Variants in TENM2 observed in about 807,000 individuals in gnomAD.
TENM2 encodes teneurin transmembrane protein 2, also known as teneurin-2.
In TENM2, 52 loss-of-function variants were observed where a neutral mutation model predicts 245.2. That is an observed-to-expected ratio of 0.21 (90% confidence interval 0.17 to 0.27). The LOEUF (loss-of-function observed/expected upper bound fraction) is 0.27. Ranked by LOEUF, TENM2 falls within the 10% of genes least tolerant of loss-of-function variation. TENM2 has a pLI of 1.00. For missense variants in TENM2, 3,046 were observed against 3,666.8 expected, an observed-to-expected ratio of 0.83 and a Z score of 4.37; for synonymous variants, 1,363 against 1,438.9, an observed-to-expected ratio of 0.95 and a Z score of 1.19.
chr5:167,424,175 G>A (rs1763677241), intron 2 of TENM2, among the ~76,000 whole-genome samples: 1 of 148,714 alleles, frequency 6.7e-6, no homozygotes. Flanking sequence ...TGCCCCACCT[G>A]ACGTCCTTCA....
chr5:167,396,376 A>G (rs1008944291), intron 2 of TENM2, among the ~76,000 whole-genome samples: 2 of 152,174 alleles, frequency 1.3e-5, no homozygotes, highest in African/African-American at 4.8e-5. Context: ...CATATACAGC[A>G]TGCATTCAAT....
chr5:167,317,466 T>C (rs989362684), intron 1 of TENM2, among the ~76,000 whole-genome samples: 4 of 152,120 alleles, frequency 2.6e-5, no homozygotes, highest in Admixed American at 6.6e-5. Flanking sequence ...ACTAAGAGAA[T>C]TGAGCTCTCT....
intron 1 of TENM2, among the ~76,000 whole-genome samples, chr5:167,328,271 A>G (rs1020171394): frequency 3.0e-5 from 4 of 131,822 alleles, no homozygotes; most frequent in Non-Finnish European, 6.1e-5. Flanking sequence ...CAGTGGTGCA[A>G]TCTTGGCTCA....
intron 2 of TENM2, among the ~76,000 whole-genome samples, chr5:167,492,720 A>G (rs1347530823): frequency 6.6e-6 from 1 of 152,192 alleles, no homozygotes; most frequent in Non-Finnish European, 1.5e-5. Flanking sequence ...CACAACCTAT[A>G]GAAGAGCAGG....
intron 2 of TENM2, among the ~76,000 whole-genome samples, chr5:167,454,951 G>T (rs544467874): frequency 2.0e-5 from 3 of 152,298 alleles, no homozygotes; most frequent in Admixed American, 2.0e-4. Flanking sequence ...GAAGTGAAAT[G>T]CTGTTACCAG....
chr5:167,371,862 T>C (rs992850457), intron 1 of TENM2, among the ~76,000 whole-genome samples: 1 of 152,174 alleles, frequency 6.6e-6, no homozygotes, highest in Non-Finnish European at 1.5e-5. Flanking sequence ...GATAGACCCA[T>C]TTTTATTTCT....
intron 4 of TENM2, among the ~76,000 whole-genome samples, chr5:167,959,102 C>T (rs1780786531): frequency 6.6e-6 from 1 of 152,078 alleles, no homozygotes; most frequent in African/African-American, 2.4e-5. Flanking sequence ...TTCTGTCCAT[C>T]ACTTTCAGGT....
intron 2 of TENM2, 76 bp from the exon 5 acceptor site, chr5:167,875,910 G>A (rs1305128901): frequency 1.1e-6 from 1 of 901,062 alleles, no homozygotes; most frequent in Admixed American, 2.1e-5. Flanking sequence ...ATTGTGAGCT[G>A]GTTTCAATGT....
chr5:167,485,521 C>G (rs1436959371), intron 2 of TENM2, among the ~76,000 whole-genome samples: 1 of 152,040 alleles, frequency 6.6e-6, no homozygotes, highest in Non-Finnish European at 1.5e-5. Flanking sequence ...GGTAATGAAC[C>G]ATATTTTTCA....
chr5:167,732,779 C>A (rs1400433565), intron 2 of TENM2, among the ~76,000 whole-genome samples: 1 of 152,138 alleles, frequency 6.6e-6, no homozygotes, highest in Non-Finnish European at 1.5e-5. Flanking sequence ...ACCAATCTTT[C>A]CGATTTACAA....
chr5:167,401,583 G>A (rs1036816240), intron 2 of TENM2, among the ~76,000 whole-genome samples: 4 of 152,114 alleles, frequency 2.6e-5, no homozygotes, highest in South Asian at 2.1e-4. Flanking sequence ...AGCTTAAACC[G>A]TGAATTTTAA....
chr5:166,988,096 A>G, the TENM2 span, among the ~76,000 whole-genome samples: 1 of 152,180 alleles, frequency 6.6e-6, no homozygotes. Context: ...GGCGGCACTG[A>G]CCCTTTCCAC....
At chr5:168,003,746 G>A (rs980111151) in intron 5 of TENM2, among the ~76,000 whole-genome samples, 1 of 152,124 alleles carries the variant, frequency 6.6e-6, no homozygotes, top group Non-Finnish European at 1.5e-5. Flanking sequence ...ACAACAGTGG[G>A]CAGCTCAACA....
the TENM2 span, among the ~76,000 whole-genome samples, chr5:167,215,532 C>T: frequency 1.3e-5 from 2 of 152,162 alleles, no homozygotes; most frequent in Non-Finnish European, 2.9e-5. Context: ...TATACTGAGC[C>T]TGTGCCCTGT....
rs60172043 is a variant in TENM2 at position 167,870,554 on chromosome 5, C to CATATATATATATATATATAT, written c.503-5416_503-5415insATATATATATATATATATAT. 2.4e-3 allele frequency among the ~76,000 whole-genome samples: 307 copies of CATATATATATATATATATAT among 128,238 alleles called. 2 individuals are homozygous for CATATATATATATATATATAT. Among genetic ancestry groups the CATATATATATATATATATAT allele is most frequent in the African/African-American group, 8.6e-3 (293 of 34,130 alleles). 84.1% of individuals were successfully genotyped at this position (128,238 alleles called of 152,430 possible). A position where few individuals can be genotyped will look rare whatever the true frequency, so the allele number is the denominator to read the frequency against. On this transcript the variant is annotated intron_variant, in intron 2 of 28. Transcript: ENST00000518659. ...ACTGAATGTTAAAAGAATGTGTATA[C>CATATATATATATATATATAT]ATATATATATATATATGTGTGTGTA...
Position 168,081,665 on chromosome 5 carries a change from G to T in TENM2, c.1516-8909G>T, listed in dbSNP as rs976014341. ...TCTCAGCATTTGCTTGTCTGTAAAG[G>T]ATTTTATTTCTTCTTCACTTATGAA... On this transcript the variant is annotated intron_variant, in intron 7 of 28. Coordinates refer to ENST00000518659, the Ensembl canonical transcript of TENM2. Among the ~76,000 whole-genome samples the T allele has an allele frequency of 2.6e-5, 4 of 152,244 alleles. No homozygotes were observed. In the South Asian group the frequency reaches 8.3e-4, roughly 32 times the overall value.
intron 2 of TENM2, among the ~76,000 whole-genome samples, chr5:167,471,336 G>T (rs980778461): frequency 3.3e-5 from 5 of 152,132 alleles, no homozygotes; most frequent in African/African-American, 4.8e-5. Flanking sequence ...GTGTAATTAA[G>T]TAGAGTTCTC....
intron 2 of TENM2, among the ~76,000 whole-genome samples, chr5:167,691,821 A>T (rs1054728674): frequency 6.6e-6 from 1 of 152,082 alleles, no homozygotes; most frequent in African/African-American, 2.4e-5. Context: ...GGGGAAAGAG[A>T]AGTCAGAGGA....
chr5:167,403,963 G>A (rs11750839), intron 2 of TENM2, among the ~76,000 whole-genome samples: 62,431 of 150,636 alleles, frequency 0.41, 14,005 homozygotes, highest in Non-Finnish European at 0.49. Flanking sequence ...TCTTCTTTAA[G>A]TGATATACAC....
Sources: gnomAD v4.1 joint callset for allele counts (sites outside exome capture counted in the v4.1 genomes callset) on GRCh38, gnomAD v4.1.1 for gene constraint, MANE v1.5 for transcripts, NCBI Gene and HGNC (gene_info 2026-07-23, HGNC 2026-07-21) for gene names.